Variants in ACACA observed in about 807,000 individuals in gnomAD.
ACACA encodes the protein acetyl-CoA carboxylase 1.
Under a neutral mutation model 296.1 loss-of-function variants are expected in ACACA, and 103 were observed. The observed-to-expected ratio is 0.35, with a 90% CI of 0.30 to 0.41. ACACA has a LOEUF of 0.41. Among genes scored for constraint, ACACA ranks in the 10% least tolerant of loss-of-function variants. The pLI is 1.00. For synonymous variants in ACACA, 953 were observed against 1,038.6 expected (o/e 0.92, Z 1.58); for missense variants, 1,554 against 2,989.7 (o/e 0.52, Z 11.20).
chr17:37,097,113 A>G lies in ACACA; in HGVS notation c.6774T>C (p.Arg2258=). ...TCTTGACCAGGTCCTCCAGCAGAAG[A>G]CGCCTCAGCCGCCAGTAGAAGAAGG... The part of the protein sequence containing the change: ...SRTFFYWRLR[R]LLLEDLVKKK... Residue 2258 remains arginine, a synonymous_variant, in exon 54 of 56, where the codon CGT becomes CGC. Transcript: ENST00000616317. The surrounding 1 kb of genome is among the most constrained non-coding windows in gnomAD (Gnocchi z 4.8). 1 of 1,614,062 alleles carries G rather than the reference A, an allele frequency of 6.2e-7. No individual in the cohort carries two copies. Among genetic ancestry groups the G allele is most frequent in the South Asian group, 1.1e-5 (1 of 91,078 alleles).
intron 7 of ACACA, 74 bp from the exon 8 acceptor site, chr17:37,276,123 A>T (rs1598382158): frequency 5.6e-5 from 60 of 1,068,584 alleles, no homozygotes; most frequent in Non-Finnish European, 8.5e-5. Flanking sequence ...GTTGCCTTGT[A>T]TTATAGCTAT....
At chr17:37,260,129 G>A (rs1013511680) in intron 11 of ACACA, among the ~76,000 whole-genome samples, 1 of 149,358 alleles carries the variant, frequency 6.7e-6, no homozygotes, top group Non-Finnish European at 1.5e-5. Flanking sequence ...TGATCTACTC[G>A]CCTTGGCCTA....
At chr17:37,260,267 TATATATATATATATATATATATA>T (rs2081400049) in intron 11 of ACACA, among the ~76,000 whole-genome samples, 1 of 21,138 alleles carries the variant, frequency 4.7e-5, no homozygotes, top group Non-Finnish European at 8.0e-5. Flanking sequence ...TATATATATA[TATATATATATATATATATATATA>T]TATATATTTT....
chr17:37,362,973 C>CA (rs1157570690), intron 1 of ACACA, among the ~76,000 whole-genome samples: 4,019 of 51,020 alleles, frequency 0.079, 189 homozygotes, highest in African/African-American at 0.17. Context: ...GACTCCGTCT[C>CA]AAAAAAAAAA....
intron 19 of ACACA, 72 bp from the exon 20 acceptor site, chr17:37,245,286 T>G: frequency 6.4e-7 from 1 of 1,552,920 alleles, no homozygotes; most frequent in Non-Finnish European, 8.9e-7. Flanking sequence ...GAACTAAAAT[T>G]TTTCCCTTAG....
In ACACA at chr17:37,276,919, AAAAG is replaced by A. The variant is rs2146490170; in HGVS notation, c.802+110_802+113del. On this transcript the variant is annotated intron_variant, in intron 7 of 55. Coordinates refer to ENST00000616317, the MANE Select transcript of ACACA (RefSeq NM_198834.3). ...AGTTAGTAATAGATTGAGGGAAAAA[AAAAG>A]AGAGAGAGAGCCCAGCACATGTTAA... 7 of 923,690 alleles carry A rather than the reference AAAAG, an allele frequency of 7.6e-6. No individual in the cohort carries two copies. The East Asian group carries it at 1.7e-4, about 22-fold the overall frequency. 57.2% of individuals were successfully genotyped at this position (923,690 alleles called of 1,614,324 possible). A position where few individuals can be genotyped will look rare whatever the true frequency, so the allele number is the denominator to read the frequency against.
At chr17:37,383,360 C>G (rs1425732320) in intron 1 of ACACA, among the ~76,000 whole-genome samples, 1 of 152,046 alleles carries the variant, frequency 6.6e-6, no homozygotes, top group Admixed American at 6.6e-5. Context: ...GGTTAGCCTC[C>G]CAGAGAAAAA....
At position 37,359,861 on chromosome 17, in the gene ACACA, T is replaced by C. The variant is rs28601768; in HGVS notation, c.39-20011A>G. On this transcript the variant is annotated intron_variant, in intron 1 of 55. Transcript: ENST00000616317. ...GAGACAGCCCACTCCAAAGGTGTTA[T>C]ACATGCTGGATCCTGGCGTGTTGAG... 7.6e-3 allele frequency among the ~76,000 whole-genome samples: 1,150 copies of C among 152,098 alleles called. 14 individuals are homozygous for C. The highest frequency in any genetic ancestry group is 0.026 in the African/African-American group (1,086 of 41,486).
At chr17:37,287,756 CAA>C (rs35341859) in intron 3 of ACACA, among the ~76,000 whole-genome samples, 1 of 123,372 alleles carries the variant, frequency 8.1e-6, no homozygotes, top group Non-Finnish European at 1.8e-5. Flanking sequence ...AACAAAAAGA[CAA>C]AAAAAAAAAA....
intron 2 of ACACA, among the ~76,000 whole-genome samples, chr17:37,334,954 A>G (rs1683892130): frequency 6.6e-6 from 1 of 152,070 alleles, no homozygotes; most frequent in African/African-American, 2.4e-5. Context: ...GGACAGGAAA[A>G]ACGATTAATC....
At chr17:37,310,221 G>A (rs1272590050) in intron 3 of ACACA, among the ~76,000 whole-genome samples, 2 of 152,148 alleles carry the variant, frequency 1.3e-5, no homozygotes, top group Admixed American at 1.3e-4. Flanking sequence ...GGTCAATACT[G>A]GAGATAGAAT....
chr17:37,258,197 T>C lies in ACACA; in HGVS notation c.1662+15A>G. 6.2e-7 allele frequency: 1 copy of C among 1,613,850 alleles called. No individual in the cohort carries two copies. The highest frequency in any genetic ancestry group is 8.5e-7 in the Non-Finnish European group (1 of 1,179,750). The stretch of plus-strand genomic sequence containing the variant: ...TCATTAAAAGGAGGTATAAACCTTT[T>C]AAGTGATGGGTTACCTCATCTGGAT... On this transcript the variant is annotated intron_variant, in intron 13 of 55. Coordinates refer to ENST00000616317, the MANE Select transcript of ACACA (RefSeq NM_198834.3).
chr17:37,396,755 T>C (rs181621646), intron 1 of ACACA, among the ~76,000 whole-genome samples: 16 of 152,310 alleles, frequency 1.1e-4, no homozygotes, highest in African/African-American at 3.8e-4. Context: ...CTGGACAGGT[T>C]GAGAGTCCTA....
chr17:37,330,035 CCT>C, intron 3 of ACACA, 136 bp downstream of exon 3: 1 of 1,090,682 alleles, frequency 9.2e-7, no homozygotes, highest in South Asian at 1.3e-5. Context: ...TTTCTGACTT[CCT>C]CAACAAAGCT....
intron 2 of ACACA, among the ~76,000 whole-genome samples, chr17:37,334,363 A>G (rs997241367): frequency 1.3e-5 from 2 of 152,128 alleles, no homozygotes; most frequent in Non-Finnish European, 2.9e-5. Context: ...CCTGTCCCCA[A>G]GAAGAGGGAA....
rs1390342715 is a variant in ACACA, at chr17:37,280,411, G to C, written c.611-2406C>G. The stretch of plus-strand genomic sequence containing the variant: ...TTTTGTAGAGACAATTTCACCACAT[G>C]GTCCAGGCTGACCTTGAACTCCTGG... On this transcript the variant is annotated intron_variant, in intron 5 of 55. Transcript: ENST00000616317. Among the ~76,000 whole-genome samples, 3 of 152,144 alleles carry C rather than the reference G, an allele frequency of 2.0e-5. No homozygotes were observed. In the East Asian group the frequency reaches 5.8e-4, roughly 29 times the overall value.
Position 37,284,743 on chromosome 17 carries a change from T to C in ACACA, c.471+95A>G. On this transcript the variant is annotated intron_variant, in intron 4 of 55. Transcript: ENST00000616317. Reference sequence around the variant, plus strand: ...TAAAGAGGCAAAGCCTCTGAGAAACTAAATATCAATTGGGAGCAAATCTAG... The same window carrying C: ...TAAAGAGGCAAAGCCTCTGAGAAACCAAATATCAATTGGGAGCAAATCTAG... The C allele has an allele frequency of 2.6e-6, 4 of 1,555,226 alleles. No individual in the cohort carries two copies. In the South Asian group the frequency reaches 4.5e-5, roughly 17 times the overall value.
chr17:37,212,447 C>T lies in ACACA; in HGVS notation c.3684-1957G>A, dbSNP rs188018922. On this transcript the variant is annotated intron_variant, in intron 29 of 55. Transcript: ENST00000616317. The stretch of plus-strand genomic sequence containing the variant: ...CACAGTATGGGTCAAAAAGCAAAAA[C>T]TCCCAACATCTCTAATTTTTAAAGG... 3.9e-5 allele frequency among the ~76,000 whole-genome samples: 6 copies of T among 152,252 alleles called. No homozygotes were observed. In the East Asian group the frequency reaches 1.2e-3, roughly 29 times the overall value.
At chr17:37,186,093 A>G (rs954950150) in intron 39 of ACACA, among the ~76,000 whole-genome samples, 1 of 152,346 alleles carries the variant, frequency 6.6e-6, no homozygotes, top group African/African-American at 2.4e-5. Context: ...GGCTGATAGT[A>G]ATAGGAGTTC....
Sources: gnomAD v4.1 joint callset for allele counts (sites outside exome capture counted in the v4.1 genomes callset) on GRCh38, gnomAD v4.1.1 for gene constraint, Gnocchi (gnomAD v3.1) non-coding constraint, MANE v1.5 for transcripts, NCBI Gene and HGNC (gene_info 2026-07-23, HGNC 2026-07-21) for gene names.